Variants in PIK3R3 observed in about 807,000 individuals in gnomAD.
The protein encoded by PIK3R3 is phosphatidylinositol 3-kinase regulatory subunit gamma.
In PIK3R3, 64 loss-of-function variants were observed where a neutral mutation model predicts 62.9. That is an observed-to-expected ratio of 1.02 (90% CI 0.83 to 1.25). The LOEUF is 1.25. Among genes scored for constraint, PIK3R3 ranks in the 50% most tolerant of loss-of-function variants. PIK3R3 has a pLI of 0.00. For synonymous variants in PIK3R3, 165 were observed against 189.0 expected (o/e 0.87, Z 1.04); for missense variants, 614 against 561.6 (o/e 1.09, Z -0.94).
intron 1 of PIK3R3, among the ~76,000 whole-genome samples, chr1:46,102,238 GCCTC>G (rs1463816271): frequency 1.3e-5 from 2 of 152,188 alleles, no homozygotes; most frequent in African/African-American, 2.4e-5. Context: ...GCCCGCCTCG[GCCTC>G]CCAAAGTGCT....
rs551194046 is a variant in PIK3R3 at position 46,102,236 on chromosome 1, C to T, written c.107-21486G>A. ...TCCTGACCTCGTGATCCGCCCGCCT[C>T]GGCCTCCCAAAGTGCTGGGATTACA... On this transcript the variant is annotated intron_variant, in intron 1 of 9. Transcript: ENST00000262741. 2.8e-4 allele frequency among the ~76,000 whole-genome samples: 42 copies of T among 152,136 alleles called. No individual in the cohort carries two copies. In the South Asian group the frequency reaches 7.7e-3, roughly 28 times the overall value.
chr1:46,117,800 T>C (rs1654317482), intron 1 of PIK3R3, among the ~76,000 whole-genome samples: 1 of 152,064 alleles, frequency 6.6e-6, no homozygotes, highest in Non-Finnish European at 1.5e-5. Context: ...TCAGGCATAA[T>C]GGCTCAGGCC....
At chr1:46,123,068 C>T (rs1388691141) in intron 1 of PIK3R3, among the ~76,000 whole-genome samples, 1 of 151,298 alleles carries the variant, frequency 6.6e-6, no homozygotes, top group Non-Finnish European at 1.5e-5. Flanking sequence ...GAGACCCTGT[C>T]TCAAAAAAAG....
the PIK3R3 span, among the ~76,000 whole-genome samples, chr1:46,155,453 C>CT: frequency 2.9e-3 from 421 of 145,592 alleles, 2 homozygotes; most frequent in African/African-American, 7.9e-3. Flanking sequence ...TCTTTTTTTC[C>CT]TTTTTTTTTT....
At chr1:46,098,938 T>C (rs531565005) in intron 1 of PIK3R3, among the ~76,000 whole-genome samples, 6 of 152,168 alleles carry the variant, frequency 3.9e-5, no homozygotes, top group Admixed American at 1.3e-4. Flanking sequence ...CTGGCTTCAA[T>C]TGATCCTCCC....
intron 1 of PIK3R3, among the ~76,000 whole-genome samples, chr1:46,117,937 G>T (rs925726491): frequency 6.6e-6 from 1 of 151,882 alleles, no homozygotes; most frequent in African/African-American, 2.4e-5. Context: ...AGCCAGGTGT[G>T]GTAGTGCACG....
chr1:46,152,375 C>T, the PIK3R3 span, among the ~76,000 whole-genome samples: 6 of 152,180 alleles, frequency 3.9e-5, no homozygotes, highest in Middle Eastern at 3.4e-3. Flanking sequence ...TAAAAATACC[C>T]TCAACTTTCA....
chr1:46,094,155 T>C (rs1326608830), intron 1 of PIK3R3, among the ~76,000 whole-genome samples: 2 of 151,994 alleles, frequency 1.3e-5, no homozygotes, highest in East Asian at 3.9e-4. Context: ...AAATTCTGAC[T>C]ATCTGTTAAA....
chr1:46,107,564 C>A (rs1653338806), intron 1 of PIK3R3, among the ~76,000 whole-genome samples: 1 of 152,028 alleles, frequency 6.6e-6, no homozygotes, highest in African/African-American at 2.4e-5. Flanking sequence ...CAAAACAAAA[C>A]AAAACAAAAC....
chr1:46,110,022 A>T (rs1216440399), intron 1 of PIK3R3, among the ~76,000 whole-genome samples: 1 of 152,040 alleles, frequency 6.6e-6, no homozygotes, highest in African/African-American at 2.4e-5. Context: ...CAGCTCATCC[A>T]AACACACAAC....
At chr1:46,066,016 TGCACACATA>T in intron 5 of PIK3R3, 29 bp downstream of exon 5, 1 of 1,579,988 alleles carries the variant, frequency 6.3e-7, no homozygotes, top group East Asian at 2.2e-5. Flanking sequence ...ACTAAAACAT[TGCACACATA>T]TTAGTCAAAA....
the PIK3R3 span, among the ~76,000 whole-genome samples, chr1:46,174,460 G>T: frequency 6.6e-6 from 1 of 152,208 alleles, no homozygotes; most frequent in South Asian, 2.1e-4. Flanking sequence ...CCCTTCACAG[G>T]CAGCAAAGGA....
At position 46,121,067 on chromosome 1, in the gene PIK3R3, A is replaced by G. The variant is rs1042286247; in HGVS notation, c.106+10780T>C. 2.0e-5 allele frequency among the ~76,000 whole-genome samples: 3 copies of G among 152,258 alleles called. No homozygotes were observed. In the South Asian group the frequency reaches 6.2e-4, roughly 31 times the overall value. On this transcript the variant is annotated intron_variant, in intron 1 of 9. Transcript: ENST00000262741. ...AGTCCCAAGGATGGCAGAATTGAGCAATATATGGCTAAGCAAAATATGGGT... is the reference window on the plus strand; with the variant it reads ...AGTCCCAAGGATGGCAGAATTGAGCGATATATGGCTAAGCAAAATATGGGT...
the PIK3R3 span, among the ~76,000 whole-genome samples, chr1:46,165,678 C>T: frequency 2.7e-5 from 4 of 149,934 alleles, no homozygotes; most frequent in Admixed American, 2.0e-4. Flanking sequence ...AGGGCCAAAC[C>T]GTAAGTGGTT....
chr1:46,119,048 C>T (rs1654437996), intron 1 of PIK3R3, among the ~76,000 whole-genome samples: 1 of 152,110 alleles, frequency 6.6e-6, no homozygotes. Flanking sequence ...TCAGGCCCTC[C>T]CTGGCCTCCT....
intron 1 of PIK3R3, among the ~76,000 whole-genome samples, chr1:46,127,956 G>C (rs1389490633): frequency 6.6e-6 from 1 of 152,126 alleles, no homozygotes; most frequent in Admixed American, 6.5e-5. Flanking sequence ...CTCCCATTTG[G>C]ATTCAACTTT....
At chr1:46,104,192 T>C (rs1652972603) in intron 1 of PIK3R3, among the ~76,000 whole-genome samples, 1 of 152,058 alleles carries the variant, frequency 6.6e-6, no homozygotes, top group Non-Finnish European at 1.5e-5. Context: ...ACTTCCAAAG[T>C]GTTGAGATTA....
At chr1:46,167,108 C>A in the PIK3R3 span, among the ~76,000 whole-genome samples, 1 of 152,256 alleles carries the variant, frequency 6.6e-6, no homozygotes. Context: ...GGGACTCTAG[C>A]GGGGAAGGCA....
chr1:46,049,278 G>A (rs1341223530), intron 7 of PIK3R3, among the ~76,000 whole-genome samples: 1 of 152,058 alleles, frequency 6.6e-6, no homozygotes, highest in Non-Finnish European at 1.5e-5. Flanking sequence ...ATTATATAGT[G>A]TCCTTTCTAA....
Sources: gnomAD v4.1 joint callset for allele counts (sites outside exome capture counted in the v4.1 genomes callset) on GRCh38, gnomAD v4.1.1 for gene constraint, MANE v1.5 for transcripts, NCBI Gene and HGNC (gene_info 2026-07-23, HGNC 2026-07-21) for gene names.